The following COLQ variants were observed in gnomAD, a reference collection of about 807,000 sequenced individuals.
COLQ encodes the protein acetylcholinesterase collagenic tail peptide.
A neutral mutation model predicts 69.0 loss-of-function variants in COLQ; 48 were observed. That is an observed-to-expected ratio of 0.70 (90% CI 0.55 to 0.88). The LOEUF (loss-of-function observed/expected upper bound fraction) is 0.88. Among genes scored for constraint, COLQ ranks in the 40% least tolerant of loss-of-function variants. The pLI, the probability that COLQ is intolerant of heterozygous loss-of-function variation, is 0.00. For missense variants in COLQ, 618 were observed against 594.6 expected (o/e 1.04, Z -0.41); for synonymous variants, 217 against 211.2 (o/e 1.03, Z -0.24).
At chr3:15,456,656 G>GA (rs1292195199) in intron 13 of COLQ, 77 bp from the exon 14 acceptor site, 1 of 1,590,600 alleles carries the variant, frequency 6.3e-7, no homozygotes, top group African/African-American at 1.3e-5. Context: ...GGAGGAAACA[G>GA]AATCTCTATC....
chr3:15,509,019 T>C (rs528527701), intron 1 of COLQ, among the ~76,000 whole-genome samples: 1 of 152,158 alleles, frequency 6.6e-6, no homozygotes, highest in East Asian at 1.9e-4. Context: ...ACATAATAAC[T>C]ATAAGAAGAA....
At chr3:15,483,257 T>C (rs2062521972) in intron 3 of COLQ, among the ~76,000 whole-genome samples, 1 of 152,204 alleles carries the variant, frequency 6.6e-6, no homozygotes, top group Admixed American at 6.5e-5. Flanking sequence ...TCTGCTAGCT[T>C]TTGAATGTGT....
chr3:15,516,765 T>A (rs2063068387), intron 1 of COLQ, among the ~76,000 whole-genome samples: 1 of 152,194 alleles, frequency 6.6e-6, no homozygotes, highest in African/African-American at 2.4e-5. Context: ...CCCTGGCAAG[T>A]CATGCACACT....
Position 15,520,293 on chromosome 3 carries a change from G to A in COLQ, c.106+1227C>T, listed in dbSNP as rs184220473. Among the ~76,000 whole-genome samples the A allele has an allele frequency of 1.4e-3, 220 of 152,284 alleles. 2 individuals are homozygous for A. The highest frequency in any genetic ancestry group is 1.2e-3 in the Non-Finnish European group (84 of 68,022). On this transcript the variant is annotated intron_variant, in intron 1 of 16. Coordinates refer to ENST00000383788, the MANE Select transcript of COLQ (RefSeq NM_005677.4). ...ACTCACCTTTCCTGCCCACCCTCCTGAATTCTCCACAAATCTGCCCCCACC... is the reference window on the plus strand; with the variant it reads ...ACTCACCTTTCCTGCCCACCCTCCTAAATTCTCCACAAATCTGCCCCCACC...
In COLQ at chr3:15,450,973, T is replaced by G. The variant is rs2061933857; in HGVS notation, c.*671A>C. ...GGAAACACTGAGAAGAGGAGCCTCT[T>G]CTCTAGCCTCTGCTTGGGGCAAGCC... On this transcript the variant is annotated 3_prime_UTR_variant, in exon 17 of 17. Transcript: ENST00000383788. 1 of 152,852 alleles carries G rather than the reference T, an allele frequency of 6.5e-6. No individual in the cohort carries two copies. Among genetic ancestry groups the G allele is most frequent in the Non-Finnish European group, 1.5e-5 (1 of 68,542 alleles). The allele number at this position is 152,852 out of a possible 1,614,324, so 9.5% of individuals were successfully genotyped here.
chr3:15,465,121 C>A (rs1053570835), intron 12 of COLQ, among the ~76,000 whole-genome samples: 1 of 151,894 alleles, frequency 6.6e-6, no homozygotes, highest in Non-Finnish European at 1.5e-5. Flanking sequence ...TTGCAGTGAG[C>A]CAAGATCGCA....
intron 2 of COLQ, among the ~76,000 whole-genome samples, chr3:15,488,823 T>C (rs949210416): frequency 6.6e-6 from 1 of 152,228 alleles, no homozygotes; most frequent in Non-Finnish European, 1.5e-5. Context: ...TCATACTACT[T>C]CTTTCGAAAT....
At chr3:15,465,884 C>T (rs536727719) in intron 12 of COLQ, among the ~76,000 whole-genome samples, 5 of 152,260 alleles carry the variant, frequency 3.3e-5, no homozygotes, top group African/African-American at 7.2e-5. Context: ...AAATAACAGG[C>T]GTGAGCCACC....
At chr3:15,474,566 T>C (rs2062345708) in intron 8 of COLQ, among the ~76,000 whole-genome samples, 1 of 137,958 alleles carries the variant, frequency 7.2e-6, no homozygotes, top group Non-Finnish European at 1.6e-5. Flanking sequence ...ATTTGGTTTT[T>C]GGCCAGGTCA....
chr3:15,475,118 G>C lies in COLQ; in HGVS notation c.529-167C>G, dbSNP rs979456277. ...ACACAAAGATGTCCCAGAGGGTTGTGGTTATACCAGGCCTAAAAGGAACAT... is the reference window on the plus strand; with the variant it reads ...ACACAAAGATGTCCCAGAGGGTTGTCGTTATACCAGGCCTAAAAGGAACAT... On this transcript the variant is annotated intron_variant, in intron 7 of 16. Transcript: ENST00000383788. 1.6e-5 allele frequency: 12 copies of C among 769,050 alleles called. No individual in the cohort carries two copies. The East Asian group carries it at 3.1e-4, about 20-fold the overall frequency. 47.6% of individuals were successfully genotyped at this position (769,050 alleles called of 1,614,324 possible). A position where few individuals can be genotyped will look rare whatever the true frequency, so the allele number is the denominator to read the frequency against.
intron 2 of COLQ, 39 bp from the exon 3 acceptor site, chr3:15,488,346 A>AG: frequency 1.3e-6 from 2 of 1,560,018 alleles, no homozygotes; most frequent in Non-Finnish European, 1.8e-6. Flanking sequence ...GGTCAGGCGT[A>AG]GGGGACAGAG....
intron 3 of COLQ, among the ~76,000 whole-genome samples, chr3:15,481,565 T>A (rs1008005116): frequency 1.3e-5 from 2 of 152,212 alleles, no homozygotes; most frequent in African/African-American, 4.8e-5. Context: ...TCTATTCCAT[T>A]GGTCTATATC....
In COLQ at chr3:15,458,175, G is replaced by GA. The variant is rs1190358242; in HGVS notation, c.954+10dup. Reference sequence around the variant, plus strand: ...GGATAACCACCCCAGACTTCTCCCAGAAAGCCTTACCACAGGAACTCGCGG... The same window carrying GA: ...GGATAACCACCCCAGACTTCTCCCAGAAAAGCCTTACCACAGGAACTCGCGG... On this transcript the variant is annotated intron_variant, in intron 13 of 16. Coordinates refer to ENST00000383788, the MANE Select transcript of COLQ (RefSeq NM_005677.4). The GA allele has an allele frequency of 6.2e-7, 1 of 1,613,066 alleles. No homozygotes were observed. The highest frequency in any genetic ancestry group is 8.5e-7 in the Non-Finnish European group (1 of 1,179,988).
chr3:15,453,922 C>T lies in COLQ; in HGVS notation c.1205G>A (p.Arg402His), dbSNP rs140670616. The change falls in exon 16 of 17, where the codon CGT becomes CAT. Residue 402 changes from arginine to histidine, a missense_variant. Physicochemically the swap from Arg to His is conservative, Grantham distance 29. Coordinates refer to ENST00000383788, the MANE Select transcript of COLQ (RefSeq NM_005677.4). Reference sequence around the variant, plus strand: ...CCGGTGACCATCTCCACAGTAGGCACGGTGACAGCCTGAGGGGACATAAGG... The same window carrying T: ...CCGGTGACCATCTCCACAGTAGGCATGGTGACAGCCTGAGGGGACATAAGG... ...DVGDDCIRCH[R>H]AYCGDGHRHE... 9.5e-5 allele frequency: 153 copies of T among 1,606,894 alleles called. No individual in the cohort carries two copies. Among genetic ancestry groups the T allele is most frequent in the South Asian group, 1.2e-4 (11 of 89,668 alleles).
chr3:15,509,999 C>A (rs577295099), intron 1 of COLQ, among the ~76,000 whole-genome samples: 8 of 151,898 alleles, frequency 5.3e-5, no homozygotes, highest in Admixed American at 5.3e-4. Flanking sequence ...GGTGAAACCC[C>A]GTCTCTACTA....
At chr3:15,514,738 C>A (rs911142022) in intron 1 of COLQ, among the ~76,000 whole-genome samples, 6 of 152,082 alleles carry the variant, frequency 3.9e-5, no homozygotes, top group Non-Finnish European at 5.9e-5. Flanking sequence ...TCCCAGAGAC[C>A]AGAGTCACAT....
intron 11 of COLQ, among the ~76,000 whole-genome samples, chr3:15,469,165 T>C (rs553664710): frequency 1.3e-5 from 2 of 152,334 alleles, no homozygotes; most frequent in South Asian, 4.1e-4. Context: ...CTCTTTTCTC[T>C]AACTTCTCTG....
chr3:15,455,898 C>T lies in COLQ; in HGVS notation c.1195+1G>A, dbSNP rs755782087. 3.0e-5 allele frequency: 49 copies of T among 1,613,930 alleles called. No individual in the cohort carries two copies. Among genetic ancestry groups the T allele is most frequent in the East Asian group, 1.1e-4 (5 of 44,876 alleles). On this transcript the variant is annotated splice_donor_variant, in intron 15 of 16. Coordinates refer to ENST00000383788, the MANE Select transcript of COLQ (RefSeq NM_005677.4). LOFTEE classifies it high-confidence loss of function. ...GTCCTCCTGGTCTGGGCCTCACTCA[C>T]GGATGCAGTCGTCACCCACATCGCT...
intron 1 of COLQ, among the ~76,000 whole-genome samples, chr3:15,507,268 C>T (rs2062924355): frequency 6.6e-6 from 1 of 152,156 alleles, no homozygotes; most frequent in Admixed American, 6.5e-5. Context: ...TAAGACTATC[C>T]ATTACATAAA....
Sources: gnomAD v4.1 joint callset for allele counts (sites outside exome capture counted in the v4.1 genomes callset) on GRCh38, gnomAD v4.1.1 for gene constraint, MANE v1.5 for transcripts, NCBI Gene and HGNC (gene_info 2026-07-23, HGNC 2026-07-21) for gene names.